Variants in FBXO9 observed in about 807,000 individuals in gnomAD.
The protein encoded by FBXO9 is F-box only protein 9.
A neutral mutation model predicts 63.7 loss-of-function variants in FBXO9; 43 were observed. The observed-to-expected ratio is 0.67, with a 90% confidence interval of 0.53 to 0.87. The LOEUF (loss-of-function observed/expected upper bound fraction) is 0.87. Ranked by LOEUF, FBXO9 falls within the 40% of genes least tolerant of loss-of-function variation. The pLI, the probability that FBXO9 is intolerant of heterozygous loss-of-function variation, is 0.00. For synonymous variants in FBXO9, 156 were observed against 171.7 expected (o/e 0.91, Z 0.72); for missense variants, 442 against 533.2 (o/e 0.83, Z 1.68).
intron 7 of FBXO9, among the ~76,000 whole-genome samples, chr6:53,087,341 C>CAAAAAA (rs58776188): frequency 6.2e-5 from 3 of 48,406 alleles, no homozygotes; most frequent in Non-Finnish European, 8.5e-5. Flanking sequence ...GATCCTATCT[C>CAAAAAA]AAAAAAAAAA....
intron 1 of FBXO9, among the ~76,000 whole-genome samples, chr6:53,067,484 A>C (rs150204987): frequency 6.6e-6 from 1 of 152,324 alleles, no homozygotes; most frequent in Non-Finnish European, 1.5e-5. Flanking sequence ...CTGAATCTTG[A>C]AGAATGAGTA....
intron 1 of FBXO9, 136 bp downstream of exon 1, chr6:53,065,928 GC>G (rs1554183898): frequency 1.4e-5 from 17 of 1,178,098 alleles, no homozygotes; most frequent in Non-Finnish European, 8.6e-6. Flanking sequence ...CCGTTAGAGG[GC>G]CCTGGCCTGA....
chr6:53,080,166 A>T (rs1395772461), intron 5 of FBXO9, among the ~76,000 whole-genome samples: 1 of 151,762 alleles, frequency 6.6e-6, no homozygotes, highest in African/African-American at 2.4e-5. Context: ...TTTTTTTTTT[A>T]AATAAGATCT....
Position 53,073,597 on chromosome 6 carries a change from G to T in FBXO9, c.207G>T (p.Ser69=), listed in dbSNP as rs375274718. Residue 69 remains serine, a synonymous_variant, in exon 3 of 13, where the codon TCG becomes TCT. Transcript: ENST00000323557. The part of the protein sequence containing the change: ...RAARGSLQKT[S]ADTKGKQEQA... ...CAAGAGGCTCTCTCCAGAAAACATC[G>T]GCAGATACCAAAGGAAAACAAGAAC... is the stretch of plus-strand genomic sequence containing the variant. The T allele has an allele frequency of 2.6e-5, 41 of 1,607,202 alleles. No homozygotes were observed. Among genetic ancestry groups the T allele is most frequent in the Non-Finnish European group, 3.4e-5 (40 of 1,176,580 alleles).
At chr6:53,067,015 C>T (rs1339209436) in intron 1 of FBXO9, among the ~76,000 whole-genome samples, 1 of 152,198 alleles carries the variant, frequency 6.6e-6, no homozygotes, top group Non-Finnish European at 1.5e-5. Flanking sequence ...CTATATTACA[C>T]TTCTCCCATT....
intron 5 of FBXO9, among the ~76,000 whole-genome samples, chr6:53,080,090 G>T (rs531227332): frequency 6.6e-6 from 1 of 151,744 alleles, no homozygotes; most frequent in Admixed American, 6.6e-5. Flanking sequence ...TATTAAAGAG[G>T]CATTTCTTTT....
At chr6:53,080,822 TTCA>T in intron 5 of FBXO9, 143 bp from the exon 6 acceptor site, 2 of 787,196 alleles carry the variant, frequency 2.5e-6, no homozygotes, top group South Asian at 3.9e-5. Context: ...ACAGGATAAA[TTCA>T]TCACATTTAA....
At chr6:53,094,499 G>A (rs1022508307) in intron 11 of FBXO9, among the ~76,000 whole-genome samples, 3 of 152,152 alleles carry the variant, frequency 2.0e-5, no homozygotes, top group Non-Finnish European at 4.4e-5. Flanking sequence ...CAGATTGGTA[G>A]CCTAATTTTT....
rs912955760 is a variant in FBXO9 at position 53,071,096 on chromosome 6, G to A, written c.43G>A (p.Ala15Thr). The stretch of plus-strand genomic sequence containing the variant: ...AGATTGTCATTCTGATACTGTCAGA[G>A]CAGATGATGATGAAGAAAATGAAAG... Reference protein sequence around the residue: ...EEDCHSDTVRADDDEENESPA... With the variant: ...EEDCHSDTVRTDDDEENESPA... The change falls in exon 2 of 13, where the codon GCA becomes ACA. Residue 15 changes from alanine to threonine, a missense_variant. Physicochemically the swap from Ala to Thr is moderately conservative, Grantham distance 58. Coordinates refer to ENST00000323557, the MANE Select transcript of FBXO9 (RefSeq NM_033480.3). 6.4e-7 allele frequency: 1 copy of A among 1,574,156 alleles called. No individual in the cohort carries two copies. The highest frequency in any genetic ancestry group is 8.6e-7 in the Non-Finnish European group (1 of 1,157,826).
Position 53,093,478 on chromosome 6 carries a change from C to G in FBXO9, c.876C>G (p.Phe292Leu). 6.2e-7 allele frequency: 1 copy of G among 1,613,124 alleles called. No individual in the cohort carries two copies. The highest frequency in any genetic ancestry group is 8.5e-7 in the Non-Finnish European group (1 of 1,179,334). The part of the protein sequence containing the change: ...HQVEYYRYIR[F>L]FPDGHVMMLT... Reference sequence around the variant, plus strand: ...TCTTATTACATAGGTACATAAGATTCTTTCCTGATGGCCATGTGATGATGT... The same window carrying G: ...TCTTATTACATAGGTACATAAGATTGTTTCCTGATGGCCATGTGATGATGT... Residue 292 changes from phenylalanine to leucine, a missense_variant, in exon 10 of 13, where the codon TTC becomes TTG. Transcript: ENST00000323557.
rs538816155 is a variant in FBXO9, at chr6:53,099,081, T to C, written c.*1251T>C. On this transcript the variant is annotated 3_prime_UTR_variant, in exon 13 of 13. Coordinates refer to ENST00000323557, the MANE Select transcript of FBXO9 (RefSeq NM_033480.3). ...TAGGTTCCCACAATTCAGTATGGGA[T>C]AGGCTTTTTAAAAAGCACATACAGA... is the stretch of plus-strand genomic sequence containing the variant. The C allele has an allele frequency of 1.1e-4, 17 of 152,222 alleles. No homozygotes were observed. The highest frequency in any genetic ancestry group is 5.9e-4 in the Admixed American group (9 of 15,280). The allele number at this position is 152,222 out of a possible 1,614,324, so 9.4% of individuals were successfully genotyped here. A position where few individuals can be genotyped will look rare whatever the true frequency, so the allele number is the denominator to read the frequency against.
chr6:53,077,571 A>G (rs909685133), intron 4 of FBXO9, among the ~76,000 whole-genome samples: 6 of 150,642 alleles, frequency 4.0e-5, no homozygotes, highest in Admixed American at 4.0e-4. Context: ...AAATAAAGTG[A>G]TAGGACTATT....
intron 7 of FBXO9, 86 bp downstream of exon 7, chr6:53,082,704 T>C: frequency 1.1e-6 from 1 of 909,092 alleles, no homozygotes; most frequent in Non-Finnish European, 1.7e-6. Context: ...ATAAAATTAC[T>C]TGATTGGTGT....
At chr6:53,076,034 G>A (rs1487242088) in intron 3 of FBXO9, among the ~76,000 whole-genome samples, 6 of 152,054 alleles carry the variant, frequency 3.9e-5, no homozygotes, top group Non-Finnish European at 7.4e-5. Flanking sequence ...GTGAGCCACC[G>A]CGCCCAGCCA....
intron 7 of FBXO9, among the ~76,000 whole-genome samples, chr6:53,087,917 G>C (rs1562071652): frequency 6.6e-6 from 1 of 152,128 alleles, no homozygotes; most frequent in Non-Finnish European, 1.5e-5. Flanking sequence ...TAGCCAACTT[G>C]ACCACACACA....
At chr6:53,076,568 T>A in intron 4 of FBXO9, 25 bp downstream of exon 4, 2 of 1,473,772 alleles carry the variant, frequency 1.4e-6, no homozygotes, top group Non-Finnish European at 1.8e-6. Context: ...CCCAGGTTCA[T>A]ATCATAACAT....
chr6:53,099,972 C>T lies in FBXO9; in HGVS notation c.*2142C>T, dbSNP rs1763307065. ...TTGAGGAGTCCCTGTTGTTCTGCAACATCCCTAGATTGAATGATCTGTTGC... is the reference window on the plus strand; with the variant it reads ...TTGAGGAGTCCCTGTTGTTCTGCAATATCCCTAGATTGAATGATCTGTTGC... On this transcript the variant is annotated 3_prime_UTR_variant, in exon 13 of 13. Transcript: ENST00000323557. 1 of 152,218 alleles carries T rather than the reference C, an allele frequency of 6.6e-6. No homozygotes were observed. The highest frequency in any genetic ancestry group is 1.5e-5 in the Non-Finnish European group (1 of 68,046). 9.4% of individuals were successfully genotyped at this position (152,218 alleles called of 1,614,324 possible). A position where few individuals can be genotyped will look rare whatever the true frequency, so the allele number is the denominator to read the frequency against.
chr6:53,082,573 T>G lies in FBXO9; in HGVS notation c.608T>G (p.Leu203Trp). ...VVSSDLDLRSLEQLSLVCRGF... is the reference protein window; with the variant it reads ...VVSSDLDLRSWEQLSLVCRGF... The stretch of plus-strand genomic sequence containing the variant: ...TCTAGTGACTTGGACCTCAGATCAT[T>G]GGAGCAGTTGTCGCTGGTGTGCAGA... Residue 203 changes from leucine to tryptophan, a missense_variant, in exon 7 of 13, where the codon TTG becomes TGG. Leu to Trp is a moderately conservative substitution (Grantham distance 61, BLOSUM62 -2). Around this residue, in one of 2 missense-constraint regions of FBXO9, gnomAD observed 262 missense variants for 362.1 expected, o/e 0.72. Coordinates refer to ENST00000323557, the MANE Select transcript of FBXO9 (RefSeq NM_033480.3). The G allele has an allele frequency of 6.2e-7, 1 of 1,613,818 alleles. No individual in the cohort carries two copies. Among genetic ancestry groups the G allele is most frequent in the Non-Finnish European group, 8.5e-7 (1 of 1,179,754 alleles).
At position 53,098,261 on chromosome 6, in the gene FBXO9, C is replaced by T. The variant is rs1173965469; in HGVS notation, c.*431C>T. On this transcript the variant is annotated 3_prime_UTR_variant, in exon 13 of 13. Transcript: ENST00000323557. ...CTCCACTGGATAAGCATTTTATTTC[C>T]CGCATGGCATAATGTTTTTGCACTA... 3.9e-6 allele frequency: 1 copy of T among 256,310 alleles called. No individual in the cohort carries two copies. The highest frequency in any genetic ancestry group is 2.3e-5 in the African/African-American group (1 of 44,044). 15.9% of individuals were successfully genotyped at this position (256,310 alleles called of 1,614,324 possible).
Sources: gnomAD v4.1 joint callset for allele counts (sites outside exome capture counted in the v4.1 genomes callset) on GRCh38, gnomAD v4.1.1 for gene constraint, gnomAD v4.1.1 regional missense constraint, MANE v1.5 for transcripts, NCBI Gene and HGNC (gene_info 2026-07-23, HGNC 2026-07-21) for gene names.